Variants in CCNY observed in about 807,000 individuals in gnomAD.
The protein encoded by CCNY is cyclin Y.
In CCNY, 19 loss-of-function variants were observed where a neutral mutation model predicts 42.8. The observed-to-expected ratio is 0.44, with a 90% CI of 0.31 to 0.65. The LOEUF (loss-of-function observed/expected upper bound fraction) is 0.65. Ranked by LOEUF, CCNY falls within the 30% of genes least tolerant of loss-of-function variation. The probability of loss-of-function intolerance (pLI) is 0.07; values close to 1 mark genes in which losing one functional copy is unlikely to be tolerated. For missense variants in CCNY, 370 were observed against 437.3 expected (o/e 0.85, Z 1.37); for synonymous variants, 165 against 162.7 (o/e 1.01, Z -0.11).
intron 7 of CCNY, among the ~76,000 whole-genome samples, chr10:35,537,217 G>A (rs964360490): frequency 6.6e-6 from 1 of 152,232 alleles, no homozygotes; most frequent in Non-Finnish European, 1.5e-5. Flanking sequence ...CAGAAGTCAA[G>A]AATTGAGGTT....
chr10:35,348,875 A>C (rs1024246424), intron 1 of CCNY, among the ~76,000 whole-genome samples: 5 of 151,614 alleles, frequency 3.3e-5, no homozygotes, highest in Admixed American at 3.3e-4. Flanking sequence ...AGTTGTTGAA[A>C]TCTAAGTTGG....
At chr10:35,370,403 G>A (rs1223292095) in intron 1 of CCNY, among the ~76,000 whole-genome samples, 1 of 151,862 alleles carries the variant, frequency 6.6e-6, no homozygotes, top group East Asian at 1.9e-4. Flanking sequence ...CGCCTGCTTC[G>A]GCCTCCCAGA....
intron 1 of CCNY, among the ~76,000 whole-genome samples, chr10:35,361,181 A>T (rs1352423029): frequency 3.3e-5 from 5 of 152,122 alleles, no homozygotes; most frequent in Non-Finnish European, 7.3e-5. Flanking sequence ...TTATTCATCC[A>T]CTTATTTATT....
At chr10:35,363,571 G>T (rs963589353) in intron 1 of CCNY, among the ~76,000 whole-genome samples, 1 of 152,218 alleles carries the variant, frequency 6.6e-6, no homozygotes, top group African/African-American at 2.4e-5. Context: ...AACTAGATGG[G>T]AATGGGAAAA....
chr10:35,533,177 A>G (rs1025704937), intron 7 of CCNY, among the ~76,000 whole-genome samples: 1 of 151,994 alleles, frequency 6.6e-6, no homozygotes, highest in African/African-American at 2.4e-5. Flanking sequence ...CCTCTAACCC[A>G]GTCTCCTCTT....
chr10:35,282,720 CA>C (rs71033390), intron 3 of CCNY, among the ~76,000 whole-genome samples: 36,590 of 87,880 alleles, frequency 0.42, 3,962 homozygotes, highest in African/African-American at 0.48. Flanking sequence ...GAGACTGTCT[CA>C]AAAAAAAAAA....
chr10:35,500,980 A>G (rs983947695), intron 2 of CCNY, among the ~76,000 whole-genome samples: 4 of 152,230 alleles, frequency 2.6e-5, no homozygotes, highest in Admixed American at 2.6e-4. Context: ...ACAGAAGCCC[A>G]GCTGTATTCA....
chr10:35,400,436 G>A (rs193167760), intron 1 of CCNY, among the ~76,000 whole-genome samples: 27 of 152,270 alleles, frequency 1.8e-4, no homozygotes, highest in African/African-American at 5.1e-4. Flanking sequence ...GATGCTTCAC[G>A]TCGTGGAATG....
intron 1 of CCNY, among the ~76,000 whole-genome samples, chr10:35,476,987 C>A (rs1226555674): frequency 2.0e-5 from 3 of 150,764 alleles, no homozygotes; most frequent in African/African-American, 2.4e-5. Flanking sequence ...TACAAACTAC[C>A]ATCAGAGAAT....
At chr10:35,447,500 T>G (rs182523412) in intron 1 of CCNY, among the ~76,000 whole-genome samples, 4 of 152,298 alleles carry the variant, frequency 2.6e-5, no homozygotes, top group Non-Finnish European at 4.4e-5. Flanking sequence ...CATCATTATC[T>G]CTGTCATTTC....
intron 1 of CCNY, among the ~76,000 whole-genome samples, chr10:35,462,354 C>T (rs1160094380): frequency 6.6e-6 from 1 of 152,182 alleles, no homozygotes; most frequent in East Asian, 1.9e-4. Context: ...CGCTCCCTTT[C>T]TCCTGTATTT....
At chr10:35,455,816 T>C (rs1187814666) in intron 1 of CCNY, among the ~76,000 whole-genome samples, 3 of 135,586 alleles carry the variant, frequency 2.2e-5, no homozygotes, top group African/African-American at 8.7e-5. Context: ...TTTTTTTTTT[T>C]TTTTTTTTTA....
Position 35,290,222 on chromosome 10 carries a change from TCACACA to T in CCNY, c.-9+39633_-9+39638del, listed in dbSNP as rs368209050. On this transcript the variant is annotated intron_variant, in intron 3 of 11. Transcript: ENST00000374706. ...GCCTGGGCAACACAGCAAGACTCCA[TCACACA>T]CACACACACACACACACACACACAC... Among the ~76,000 whole-genome samples, 62 of 122,958 alleles carry T rather than the reference TCACACA, an allele frequency of 5.0e-4. 1 individual carries two copies. In the East Asian group the frequency reaches 0.01, roughly 20 times the overall value. 80.7% of individuals were successfully genotyped at this position (122,958 alleles called of 152,430 possible). A position where few individuals can be genotyped will look rare whatever the true frequency, so the allele number is the denominator to read the frequency against.
intron 1 of CCNY, among the ~76,000 whole-genome samples, chr10:35,468,350 TG>T (rs944323341): frequency 6.6e-6 from 1 of 152,192 alleles, no homozygotes; most frequent in African/African-American, 2.4e-5. Context: ...GTATGAATTT[TG>T]GGGGGACACA....
intron 3 of CCNY, among the ~76,000 whole-genome samples, chr10:35,313,089 C>T (rs988194942): frequency 6.6e-6 from 1 of 152,110 alleles, no homozygotes. Flanking sequence ...TTCACCTTTC[C>T]CACACCTCAA....
At chr10:35,388,959 CCTT>C (rs955358034) in intron 1 of CCNY, among the ~76,000 whole-genome samples, 6 of 152,164 alleles carry the variant, frequency 3.9e-5, no homozygotes, top group African/African-American at 1.2e-4. Flanking sequence ...GTCTCTTCTG[CCTT>C]CTTCTTCCAC....
intron 1 of CCNY, among the ~76,000 whole-genome samples, chr10:35,477,589 C>A (rs942625684): frequency 6.6e-6 from 1 of 151,742 alleles, no homozygotes; most frequent in African/African-American, 2.4e-5. Flanking sequence ...ATTCAACAAC[C>A]CTTCATGCTA....
intron 4 of CCNY, 65 bp downstream of exon 4, chr10:35,516,688 T>TTTAA: frequency 3.6e-6 from 3 of 823,344 alleles, no homozygotes; most frequent in Non-Finnish European, 3.6e-6. Context: ...TTTTTTTTTT[T>TTTAA]ACTTAACTGA....
chr10:35,490,141 A>T (rs1055101175), intron 2 of CCNY, among the ~76,000 whole-genome samples: 7 of 152,182 alleles, frequency 4.6e-5, no homozygotes, highest in Non-Finnish European at 8.8e-5. Flanking sequence ...TGAATGGAGG[A>T]ACCCCCACCT....
Sources: gnomAD v4.1 joint callset for allele counts (sites outside exome capture counted in the v4.1 genomes callset) on GRCh38, gnomAD v4.1.1 for gene constraint, MANE v1.5 for transcripts, NCBI Gene and HGNC (gene_info 2026-07-23, HGNC 2026-07-21) for gene names.